The following KSR1 variants were observed in gnomAD, a reference collection of about 807,000 sequenced individuals.
The protein encoded by KSR1 is kinase suppressor of ras 1, also known as kinase suppressor of ras.
Under a neutral mutation model 92.9 loss-of-function variants are expected in KSR1, and 35 were observed. The observed-to-expected ratio is 0.38, with a 90% CI of 0.29 to 0.50. The LOEUF (loss-of-function observed/expected upper bound fraction) is 0.50, where lower values mean the gene tolerates loss of function less well. KSR1 is among the 20% of genes least tolerant of loss of function. KSR1 has a pLI of 0.94. For missense variants in KSR1, 972 were observed against 1,158.5 expected, an observed-to-expected ratio of 0.84 and a Z score of 2.34; for synonymous variants, 467 against 472.6, an observed-to-expected ratio of 0.99 and a Z score of 0.15.
chr17:27,500,344 C>G (rs1166649526), intron 1 of KSR1, among the ~76,000 whole-genome samples: 1 of 152,130 alleles, frequency 6.6e-6, no homozygotes, highest in Non-Finnish European at 1.5e-5. Flanking sequence ...CAAGGCCACC[C>G]AGCTGCTAAG....
intron 1 of KSR1, among the ~76,000 whole-genome samples, chr17:27,458,040 T>C (rs1040766735): frequency 2.6e-5 from 4 of 151,888 alleles, no homozygotes; most frequent in Admixed American, 2.6e-4. Context: ...TTCCAAATGC[T>C]CGGGGGTGAC....
At chr17:27,568,337 A>G (rs112404760) in intron 2 of KSR1, among the ~76,000 whole-genome samples, 6 of 152,328 alleles carry the variant, frequency 3.9e-5, no homozygotes, top group African/African-American at 1.4e-4. Flanking sequence ...CGTGCTAAAC[A>G]CTGGGACATG....
intron 2 of KSR1, among the ~76,000 whole-genome samples, chr17:27,561,545 G>A (rs528582115): frequency 6.6e-6 from 1 of 152,286 alleles, no homozygotes; most frequent in African/African-American, 2.4e-5. Flanking sequence ...GAGCGGGGAA[G>A]GGATGAAGCA....
Position 27,534,613 on chromosome 17 carries a change from C to T in KSR1, c.232-15955C>T, listed in dbSNP as rs550997809. 3.9e-5 allele frequency among the ~76,000 whole-genome samples: 6 copies of T among 152,342 alleles called. No homozygotes were observed. The East Asian group carries it at 1.2e-3, about 29-fold the overall frequency. ...CCTGACTATCCATCACTATACTGCC[C>T]CTGGCTGGCATTCCTGGGATTATAC... On this transcript the variant is annotated intron_variant, in intron 1 of 20. Coordinates refer to ENST00000644974, the MANE Select transcript of KSR1 (RefSeq NM_001394583.1).
At chr17:27,606,097 T>TA (rs1186294745) in intron 14 of KSR1, among the ~76,000 whole-genome samples, 1 of 151,944 alleles carries the variant, frequency 6.6e-6, no homozygotes, top group Non-Finnish European at 1.5e-5. Context: ...CTGGGCAACA[T>TA]ACTGAGACGC....
At chr17:27,457,424 G>A (rs2019230320) in intron 1 of KSR1, among the ~76,000 whole-genome samples, 1 of 152,140 alleles carries the variant, frequency 6.6e-6, no homozygotes, top group African/African-American at 2.4e-5. Context: ...TCAGGCGTTT[G>A]GTGCTTTCCT....
chr17:27,556,113 GA>G (rs1206735585), intron 2 of KSR1, among the ~76,000 whole-genome samples: 1 of 152,124 alleles, frequency 6.6e-6, no homozygotes, highest in Admixed American at 6.5e-5. Context: ...TTTCTACAGG[GA>G]AAAAAACCTA....
Position 27,456,603 on chromosome 17 carries a change from CG to C in KSR1, c.-38del. ...GTTCCTTGCCGAGGCGCCCGCGCCC[CG>C]GGCTCCCAGCCTCGGCCGCCGCGGC... is the stretch of plus-strand genomic sequence containing the variant. On this transcript the variant is annotated 5_prime_UTR_variant, in exon 1 of 21. Transcript: ENST00000644974. 2.1e-6 allele frequency: 1 copy of C among 466,102 alleles called. No homozygotes were observed. The highest frequency in any genetic ancestry group is 3.7e-6 in the Non-Finnish European group (1 of 270,578). The allele number at this position is 466,102 out of a possible 1,614,324, so 28.9% of individuals were successfully genotyped here.
Position 27,456,538 on chromosome 17 carries a change from C to T in KSR1, c.-106C>T. On this transcript the variant is annotated 5_prime_UTR_variant, in exon 1 of 21. Transcript: ENST00000644974. Reference sequence around the variant, plus strand: ...TCTACCGGCGTCCCGGCTCGGGCAGCGCCGAGGGGCGCTCCTGGTCCAGCT... The same window carrying T: ...TCTACCGGCGTCCCGGCTCGGGCAGTGCCGAGGGGCGCTCCTGGTCCAGCT... 1 of 413,588 alleles carries T rather than the reference C, an allele frequency of 2.4e-6. No individual in the cohort carries two copies. Among genetic ancestry groups the T allele is most frequent in the Non-Finnish European group, 4.2e-6 (1 of 238,120 alleles). 25.6% of individuals were successfully genotyped at this position (413,588 alleles called of 1,614,324 possible).
chr17:27,622,291 A>G (rs2074246944), intron 20 of KSR1: 1 of 336,826 alleles, frequency 3.0e-6, no homozygotes, highest in Non-Finnish European at 5.5e-6. Flanking sequence ...TCTCACTGCT[A>G]ACACCTTAGT....
intron 1 of KSR1, among the ~76,000 whole-genome samples, chr17:27,536,014 AC>A (rs2070738545): frequency 1.3e-5 from 2 of 152,200 alleles, no homozygotes; most frequent in African/African-American, 4.8e-5. Flanking sequence ...TTTCTGTCTG[AC>A]CCACCTCCAC....
At chr17:27,580,857 C>G (rs1006132521) in intron 3 of KSR1, among the ~76,000 whole-genome samples, 10 of 152,114 alleles carry the variant, frequency 6.6e-5, no homozygotes, top group African/African-American at 2.4e-4. Context: ...ACCTCTGCCT[C>G]CCGGGTTCAA....
At chr17:27,594,611 C>T (rs539007941) in intron 9 of KSR1, among the ~76,000 whole-genome samples, 4 of 152,298 alleles carry the variant, frequency 2.6e-5, no homozygotes, top group Non-Finnish European at 5.9e-5. Context: ...AGCAGTGGCC[C>T]TCCAGGATCC....
At chr17:27,536,669 A>G (rs1217539982) in intron 1 of KSR1, among the ~76,000 whole-genome samples, 1 of 152,180 alleles carries the variant, frequency 6.6e-6, no homozygotes, top group Non-Finnish European at 1.5e-5. Context: ...TAGGACCTGC[A>G]TGAACTGGTC....
intron 1 of KSR1, among the ~76,000 whole-genome samples, chr17:27,507,952 T>TGGCA (rs2069455985): frequency 6.6e-6 from 1 of 152,084 alleles, no homozygotes; most frequent in Non-Finnish European, 1.5e-5. Flanking sequence ...GCGTGTAGCC[T>TGGCA]GGCAGCTGCT....
At chr17:27,474,521 C>CTTTCT (rs1221210011) in intron 1 of KSR1, among the ~76,000 whole-genome samples, 3 of 152,196 alleles carry the variant, frequency 2.0e-5, no homozygotes, top group African/African-American at 7.2e-5. Context: ...GTTGCTTACC[C>CTTTCT]TTTCTGAGCA....
chr17:27,554,258 A>C (rs2071508165), intron 2 of KSR1, among the ~76,000 whole-genome samples: 1 of 152,208 alleles, frequency 6.6e-6, no homozygotes, highest in Non-Finnish European at 1.5e-5. Flanking sequence ...GAGCAGTAGG[A>C]TATAAATAAC....
intron 1 of KSR1, among the ~76,000 whole-genome samples, chr17:27,499,038 G>A (rs945135651): frequency 2.6e-5 from 4 of 152,188 alleles, no homozygotes; most frequent in Non-Finnish European, 4.4e-5. Flanking sequence ...GCACCAGCCT[G>A]TTGGTTTTAG....
At chr17:27,573,962 A>G (rs2072406850) in intron 2 of KSR1, among the ~76,000 whole-genome samples, 1 of 152,206 alleles carries the variant, frequency 6.6e-6, no homozygotes, top group Non-Finnish European at 1.5e-5. Flanking sequence ...AAGAAAGAAA[A>G]AGAATCCCTA....
Sources: gnomAD v4.1 joint callset for allele counts (sites outside exome capture counted in the v4.1 genomes callset) on GRCh38, gnomAD v4.1.1 for gene constraint, MANE v1.5 for transcripts, NCBI Gene and HGNC (gene_info 2026-07-23, HGNC 2026-07-21) for gene names.